SYNE1: variants seen among roughly 807,000 people sequenced by gnomAD.
SYNE1 encodes the protein nesprin-1.
Under a neutral mutation model 1,111.0 loss-of-function variants are expected in SYNE1, and 616 were observed. The ratio of observed to expected loss-of-function variants is 0.55; its 90% CI spans 0.52 to 0.59. SYNE1 has a LOEUF of 0.59. Among genes scored for constraint, SYNE1 ranks in the 20% least tolerant of loss-of-function variants. The probability of loss-of-function intolerance (pLI) is 0.00; values close to 1 mark genes in which losing one functional copy is unlikely to be tolerated. For synonymous variants in SYNE1, 3,855 were observed against 3,825.8 expected (o/e 1.01, Z -0.28); for missense variants, 10,006 against 10,417.0 (o/e 0.96, Z 1.72).
At chr6:152,425,321 A>G in intron 39 of SYNE1, 60 bp downstream of exon 39, 4 of 1,551,754 alleles carry the variant, frequency 2.6e-6, no homozygotes, top group Non-Finnish European at 2.7e-6. Context: ...TTCTTAATTT[A>G]TATGCTCATC....
At chr6:152,387,497 T>C (rs961654604) in intron 53 of SYNE1, 116 bp from the exon 54 acceptor site, 5 of 1,080,340 alleles carry the variant, frequency 4.6e-6, no homozygotes, top group Non-Finnish European at 5.5e-6. Flanking sequence ...CTGGAAGTGA[T>C]GAAAATGTTG....
At chr6:152,124,289 A>G (rs2052551917) in intron 145 of SYNE1, among the ~76,000 whole-genome samples, 1 of 149,356 alleles carries the variant, frequency 6.7e-6, no homozygotes, top group East Asian at 2.0e-4. Flanking sequence ...ATCCTGGGCA[A>G]CAGAGCGAGA....
At chr6:152,446,704 C>T (rs1262856690) in intron 29 of SYNE1, among the ~76,000 whole-genome samples, 1 of 152,092 alleles carries the variant, frequency 6.6e-6, no homozygotes, top group African/African-American at 2.4e-5. Context: ...ACATTATCTT[C>T]CAAAGCACAA....
At chr6:152,288,770 T>C (rs2094451391) in intron 95 of SYNE1, among the ~76,000 whole-genome samples, 1 of 152,174 alleles carries the variant, frequency 6.6e-6, no homozygotes, top group South Asian at 2.1e-4. Context: ...GGTCTTGAAC[T>C]CCTGACCTCA....
At chr6:152,545,867 C>A (rs1489670374) in intron 3 of SYNE1, 1 of 152,180 alleles carries the variant, frequency 6.6e-6, no homozygotes, top group East Asian at 1.9e-4. Context: ...TAAAACAAAT[C>A]ACACATTTAA....
At chr6:152,484,075 G>A (rs907893093) in intron 13 of SYNE1, among the ~76,000 whole-genome samples, 3 of 143,130 alleles carry the variant, frequency 2.1e-5, no homozygotes, top group Non-Finnish European at 4.7e-5. Flanking sequence ...AGCCAAGTAT[G>A]GTGGTACATG....
At chr6:152,599,995 G>A (rs961459906) in intron 3 of SYNE1, among the ~76,000 whole-genome samples, 5 of 152,314 alleles carry the variant, frequency 3.3e-5, no homozygotes, top group African/African-American at 1.2e-4. Flanking sequence ...AAAATAATGT[G>A]AGACCTGAAG....
At chr6:152,303,903 GCACACACACACACA>G (rs59642173) in intron 91 of SYNE1, among the ~76,000 whole-genome samples, 1 of 149,352 alleles carries the variant, frequency 6.7e-6, no homozygotes, top group African/African-American at 2.5e-5. Flanking sequence ...GTGTGCACAT[GCACACACACACACA>G]CACACACACA....
At position 152,399,522 on chromosome 6, in the gene SYNE1, T is replaced by G. The variant is rs576936033; in HGVS notation, c.7237+94A>C. 1.0e-4 allele frequency: 147 copies of G among 1,468,794 alleles called. 1 individual carries two copies. The East Asian group carries it at 3.3e-3, about 33-fold the overall frequency. The allele number at this position is 1,468,794 out of a possible 1,614,324, so 91.0% of individuals were successfully genotyped here. ...AATTTGAAATGACACCCTGGAAAGT[T>G]TCCTCAAACTTTTGCTGGCAGTTTC... On this transcript the variant is annotated intron_variant, in intron 48 of 145. Coordinates refer to ENST00000367255, the MANE Select transcript of SYNE1 (RefSeq NM_182961.4).
chr6:152,226,748 G>A (rs924781026), intron 115 of SYNE1, among the ~76,000 whole-genome samples: 3 of 152,122 alleles, frequency 2.0e-5, no homozygotes, highest in Non-Finnish European at 4.4e-5. Flanking sequence ...AGCTGGTGAG[G>A]GATGGAGTGG....
At chr6:152,285,546 C>T (rs1262023626) in intron 95 of SYNE1, among the ~76,000 whole-genome samples, 1 of 151,910 alleles carries the variant, frequency 6.6e-6, no homozygotes, top group Non-Finnish European at 1.5e-5. Flanking sequence ...TCGTGTGCCA[C>T]ACTCCCTTCT....
chr6:152,202,062 G>A (rs1461928066), intron 126 of SYNE1, 113 bp from the exon 127 acceptor site: 14 of 1,364,570 alleles, frequency 1.0e-5, no homozygotes, highest in African/African-American at 2.9e-5. Context: ...AAGTTACACT[G>A]ATGGCTGAGT....
chr6:152,522,070 C>T (rs1381816280), intron 5 of SYNE1, among the ~76,000 whole-genome samples: 1 of 140,368 alleles, frequency 7.1e-6, no homozygotes, highest in Non-Finnish European at 1.6e-5. Context: ...AACTTAATTT[C>T]CTGTTCCATT....
chr6:152,349,511 C>T (rs10872684), intron 72 of SYNE1, among the ~76,000 whole-genome samples: 86,047 of 152,042 alleles, frequency 0.57, 24,681 homozygotes, highest in East Asian at 0.64. Context: ...CCTTTGGCTG[C>T]ATTTTCTAAA....
intron 125 of SYNE1, 28 bp downstream of exon 125, chr6:152,207,944 T>A (rs1328915893): frequency 1.2e-6 from 2 of 1,610,994 alleles, no homozygotes; most frequent in Admixed American, 3.3e-5. Flanking sequence ...GCCTAAGAGG[T>A]GTGAGAACAC....
chr6:152,385,624 C>A, intron 55 of SYNE1, 50 bp downstream of exon 55: 1 of 1,599,024 alleles, frequency 6.3e-7, no homozygotes, highest in Non-Finnish European at 8.6e-7. Context: ...ATCAAAAGTA[C>A]TCAAGAAGGA....
At chr6:152,318,017 G>C in intron 86 of SYNE1, 64 bp downstream of exon 86, 1 of 1,593,940 alleles carries the variant, frequency 6.3e-7, no homozygotes, top group Non-Finnish European at 8.6e-7. Flanking sequence ...ATTTTCAAAA[G>C]AGAAAAGCAG....
At chr6:152,193,071 G>A (rs1381640420) in intron 127 of SYNE1, among the ~76,000 whole-genome samples, 4 of 152,032 alleles carry the variant, frequency 2.6e-5, no homozygotes, top group African/African-American at 7.2e-5. Flanking sequence ...TGTTGTTATT[G>A]ATAAGTAAGG....
At chr6:152,309,322 T>C (rs926679675) in intron 90 of SYNE1, among the ~76,000 whole-genome samples, 10 of 152,226 alleles carry the variant, frequency 6.6e-5, no homozygotes, top group African/African-American at 2.4e-4. Context: ...GCAAGAATTA[T>C]TAGTTGAAGG....
Sources: gnomAD v4.1 joint callset for allele counts (sites outside exome capture counted in the v4.1 genomes callset) on GRCh38, gnomAD v4.1.1 for gene constraint, MANE v1.5 for transcripts, NCBI Gene and HGNC (gene_info 2026-07-23, HGNC 2026-07-21) for gene names.